Variants in OLR1 observed in about 807,000 individuals in gnomAD.
OLR1 encodes the protein oxidized low density lipoprotein receptor 1.
OLR1 carries 23 observed loss-of-function variants against 31.7 expected under a neutral mutation model. The ratio of observed to expected loss-of-function variants is 0.72; its 90% confidence interval spans 0.52 to 1.03. OLR1 has a LOEUF of 1.03. OLR1 is among the 50% of genes least tolerant of loss of function. The pLI, the probability that OLR1 is intolerant of heterozygous loss-of-function variation, is 0.00. For missense variants in OLR1, 286 were observed against 315.7 expected (o/e 0.91, Z 0.71); for synonymous variants, 117 against 115.8 (o/e 1.01, Z -0.07).
intron 3 of OLR1, among the ~76,000 whole-genome samples, chr12:10,166,005 GT>G (rs911551675): frequency 1.3e-5 from 2 of 151,854 alleles, no homozygotes; most frequent in Non-Finnish European, 2.9e-5. Context: ...GAGGTGAGGA[GT>G]TTGAGACCAG....
At position 10,161,048 on chromosome 12, in the gene OLR1, G is replaced by GT. The variant is rs1421543733; in HGVS notation, c.425-124dup. The GT allele has an allele frequency of 6.5e-6, 7 of 1,083,704 alleles. No individual in the cohort carries two copies. In the Admixed American group the frequency reaches 1.2e-4, roughly 19 times the overall value. The allele number at this position is 1,083,704 out of a possible 1,614,324, so 67.1% of individuals were successfully genotyped here. A position where few individuals can be genotyped will look rare whatever the true frequency, so the allele number is the denominator to read the frequency against. On this transcript the variant is annotated intron_variant, in intron 3 of 5. Coordinates refer to ENST00000309539, the MANE Select transcript of OLR1 (RefSeq NM_002543.4). ...ACTATTTATTTTTGTTTTTGTTTTT[G>GT]TTTTTGTATTTTTAGTAGAGATGGG... is the stretch of plus-strand genomic sequence containing the variant.
At chr12:10,167,119 A>C in intron 2 of OLR1, 162 bp from the exon 3 acceptor site, 1 of 642,880 alleles carries the variant, frequency 1.6e-6, no homozygotes, top group Admixed American at 3.0e-5. Flanking sequence ...GAGGTTCTTG[A>C]ATATTCCTGC....
chr12:10,165,541 C>T (rs958568844), intron 3 of OLR1, among the ~76,000 whole-genome samples: 3 of 151,832 alleles, frequency 2.0e-5, no homozygotes, highest in African/African-American at 7.3e-5. Flanking sequence ...AAAAAGATCC[C>T]TTAGAAAAAG....
upstream of OLR1, among the ~76,000 whole-genome samples, chr12:10,174,249 G>C (rs1348193716): frequency 6.6e-6 from 1 of 152,012 alleles, no homozygotes; most frequent in African/African-American, 2.4e-5. Flanking sequence ...TTTCAGTAGA[G>C]ACAGGGTTTC....
chr12:10,167,009 C>G (rs35870697), intron 2 of OLR1, 52 bp from the exon 3 acceptor site: 2 of 1,537,212 alleles, frequency 1.3e-6, no homozygotes, highest in Non-Finnish European at 1.8e-6. Context: ...AAAAATCCCT[C>G]CAGGGACTTT....
chr12:10,164,623 A>G (rs778606631), intron 3 of OLR1, among the ~76,000 whole-genome samples: 3 of 152,192 alleles, frequency 2.0e-5, no homozygotes, highest in Non-Finnish European at 4.4e-5. Context: ...TCTAATCCTG[A>G]CAATAGGGCA....
chr12:10,163,458 T>C (rs1483522368), intron 3 of OLR1, among the ~76,000 whole-genome samples: 1 of 152,152 alleles, frequency 6.6e-6, no homozygotes, highest in Non-Finnish European at 1.5e-5. Context: ...TGCATCTCAC[T>C]AGCTCGTTGG....
rs1948606258 is a variant in OLR1, at chr12:10,159,986, G to A, written c.716C>T (p.Pro239Leu). The part of the protein sequence containing the change: ...RVRGAVSQTY[P>L]SGTCAYIQRG... Reference sequence around the variant, plus strand: ...TTGTATATATGCACAGGTACCTGAAGGGTATGTCTGGGAGACAGCGCCTCG... The same window carrying A: ...TTGTATATATGCACAGGTACCTGAAAGGTATGTCTGGGAGACAGCGCCTCG... The change falls in exon 6 of 6, where the codon CCT becomes CTT. Residue 239 changes from proline to leucine, a missense_variant. Pro to Leu is a moderately conservative substitution (Grantham distance 98). Transcript: ENST00000309539. 6 of 1,613,888 alleles carry A rather than the reference G, an allele frequency of 3.7e-6. No individual in the cohort carries two copies. The highest frequency in any genetic ancestry group is 5.1e-6 in the Non-Finnish European group (6 of 1,179,872).
chr12:10,176,202 A>G (rs1948764340), upstream of OLR1, among the ~76,000 whole-genome samples: 1 of 152,124 alleles, frequency 6.6e-6, no homozygotes, highest in African/African-American at 2.4e-5. Context: ...CATTCCCTAT[A>G]TGGAGGCTTG....
In OLR1 at chr12:10,172,092, T is replaced by C; in HGVS notation, c.-15A>G. On this transcript the variant is annotated 5_prime_UTR_variant, in exon 1 of 6. Coordinates refer to ENST00000309539, the MANE Select transcript of OLR1 (RefSeq NM_002543.4). ...TCAAAAGTCATTTCCAAATTCAAGC[T>C]AAGAATGAGAGAGTGAAGCAGTCAC... 6.2e-7 allele frequency: 1 copy of C among 1,605,458 alleles called. No homozygotes were observed. The highest frequency in any genetic ancestry group is 8.5e-7 in the Non-Finnish European group (1 of 1,172,410).
chr12:10,176,068 C>T (rs1319837632), upstream of OLR1, among the ~76,000 whole-genome samples: 1 of 152,234 alleles, frequency 6.6e-6, no homozygotes, highest in East Asian at 1.9e-4. Context: ...CTTAATGGAA[C>T]TGCACAAGAT....
At chr12:10,163,261 C>A (rs1297636378) in intron 3 of OLR1, among the ~76,000 whole-genome samples, 10 of 151,930 alleles carry the variant, frequency 6.6e-5, no homozygotes, top group Admixed American at 6.6e-4. Flanking sequence ...AACATACTAC[C>A]TTTCAAACTT....
At chr12:10,169,027 C>G in intron 2 of OLR1, 47 bp downstream of exon 2, 1 of 1,334,770 alleles carries the variant, frequency 7.5e-7, no homozygotes, top group Non-Finnish European at 1.0e-6. Flanking sequence ...ACCTCATTTC[C>G]AACACCCCTG....
At chr12:10,168,789 C>T (rs1251952672) in intron 2 of OLR1, among the ~76,000 whole-genome samples, 5 of 152,024 alleles carry the variant, frequency 3.3e-5, no homozygotes, top group African/African-American at 4.8e-5. Context: ...CCACCGCACC[C>T]GGCCTATCCA....
At chr12:10,169,584 A>T (rs888871359) in intron 1 of OLR1, among the ~76,000 whole-genome samples, 4 of 152,230 alleles carry the variant, frequency 2.6e-5, no homozygotes, top group African/African-American at 9.6e-5. Context: ...AGTTTTTAAT[A>T]TACACCACGT....
chr12:10,169,442 G>T (rs371296681), intron 1 of OLR1, among the ~76,000 whole-genome samples: 1 of 152,138 alleles, frequency 6.6e-6, no homozygotes, highest in Non-Finnish European at 1.5e-5. Context: ...GCCAGGATTC[G>T]ATACCAGATA....
intron 3 of OLR1, 151 bp downstream of exon 3, chr12:10,166,561 G>A (rs4272864): frequency 1.4e-5 from 11 of 774,868 alleles, no homozygotes; most frequent in African/African-American, 7.0e-5. Flanking sequence ...AAAAGAAAAA[G>A]AAATTGAGAA....
At chr12:10,161,886 TTC>T (rs1346422880) in intron 3 of OLR1, among the ~76,000 whole-genome samples, 4 of 150,156 alleles carry the variant, frequency 2.7e-5, no homozygotes, top group African/African-American at 9.8e-5. Flanking sequence ...TTTTATCTGC[TTC>T]TTTTTCATTT....
upstream of OLR1, chr12:10,172,231 A>C: frequency 3.4e-6 from 2 of 589,744 alleles, no homozygotes; most frequent in Admixed American, 3.0e-5. Flanking sequence ...GCTTTGCTTC[A>C]TATTGGGAAG....
Sources: gnomAD v4.1 joint callset for allele counts (sites outside exome capture counted in the v4.1 genomes callset) on GRCh38, gnomAD v4.1.1 for gene constraint, MANE v1.5 for transcripts, NCBI Gene and HGNC (gene_info 2026-07-23, HGNC 2026-07-21) for gene names.